The following PLEKHA2 variants were observed in gnomAD, a reference collection of about 807,000 sequenced individuals.
PLEKHA2 encodes pleckstrin homology domain containing A2, also known as pleckstrin homology domain-containing family A member 2.
A neutral mutation model predicts 53.2 loss-of-function variants in PLEKHA2; 28 were observed. The ratio of observed to expected loss-of-function variants is 0.53; its 90% CI spans 0.39 to 0.72. The LOEUF (loss-of-function observed/expected upper bound fraction) is 0.72. Ranked by LOEUF, PLEKHA2 falls within the 30% of genes least tolerant of loss-of-function variation. The pLI is 0.00. For synonymous variants in PLEKHA2, 193 were observed against 196.4 expected, an observed-to-expected ratio of 0.98 and a Z score of 0.14; for missense variants, 426 against 537.9, an observed-to-expected ratio of 0.79 and a Z score of 2.06.
chr8:38,918,754 TAC>T lies in PLEKHA2; in HGVS notation c.141+692_141+693del, dbSNP rs780741752. Among the ~76,000 whole-genome samples, 272 of 147,316 alleles carry T rather than the reference TAC, an allele frequency of 1.8e-3. 4 individuals carry two copies. The highest frequency in any genetic ancestry group is 3.3e-3 in the Admixed American group (49 of 14,938). On this transcript the variant is annotated intron_variant, in intron 2 of 11. Transcript: ENST00000617275. Reference sequence around the variant, plus strand: ...GACACATGCGCACACGCACACACCATACACACACATGCACACACACATATACA... The same window carrying T: ...GACACATGCGCACACGCACACACCATACACACATGCACACACACATATACA...
chr8:38,954,710 G>A (rs1219837209), intron 9 of PLEKHA2, among the ~76,000 whole-genome samples: 1 of 152,116 alleles, frequency 6.6e-6, no homozygotes, highest in African/African-American at 2.4e-5. Flanking sequence ...GCACCATGTA[G>A]CCTGGTGCCG....
intron 11 of PLEKHA2, 175 bp downstream of exon 11, chr8:38,968,844 C>T: frequency 1.7e-6 from 1 of 590,108 alleles, no homozygotes; most frequent in Non-Finnish European, 3.0e-6. Context: ...TTTTATTTTT[C>T]TCTGTTTGGT....
At chr8:38,931,965 C>T (rs1046818784) in intron 2 of PLEKHA2, among the ~76,000 whole-genome samples, 11 of 152,090 alleles carry the variant, frequency 7.2e-5, no homozygotes, top group Admixed American at 3.3e-4. Flanking sequence ...GAAGCTTGAG[C>T]GCGGGCTTTT....
chr8:38,902,220 T>TGGG (rs58621785), intron 1 of PLEKHA2, among the ~76,000 whole-genome samples: 1 of 98,280 alleles, frequency 1.0e-5, no homozygotes, highest in Non-Finnish European at 2.1e-5. Context: ...AAGAAGGGTG[T>TGGG]GGGGGGGGGT....
chr8:38,911,051 T>C (rs1404605783), intron 1 of PLEKHA2, among the ~76,000 whole-genome samples: 1 of 152,168 alleles, frequency 6.6e-6, no homozygotes, highest in Non-Finnish European at 1.5e-5. Flanking sequence ...GAGGTTTGGC[T>C]AGGGAAGATA....
intron 1 of PLEKHA2, among the ~76,000 whole-genome samples, chr8:38,909,142 CAAA>C (rs199814127): frequency 2.4e-5 from 3 of 124,520 alleles, no homozygotes; most frequent in African/African-American, 3.2e-5. Flanking sequence ...GACTCTGTCT[CAAA>C]AAAAAAAAAA....
At chr8:38,967,049 T>A (rs1424416449) in intron 10 of PLEKHA2, among the ~76,000 whole-genome samples, 1 of 152,172 alleles carries the variant, frequency 6.6e-6, no homozygotes, top group Non-Finnish European at 1.5e-5. Flanking sequence ...ATGTGGTATT[T>A]GACTTTCTGT....
At chr8:38,919,066 C>T (rs776372481) in intron 2 of PLEKHA2, among the ~76,000 whole-genome samples, 25 of 152,304 alleles carry the variant, frequency 1.6e-4, no homozygotes, top group Middle Eastern at 3.4e-3. Context: ...TTCCCTGAGC[C>T]GGACACATGT....
intron 2 of PLEKHA2, among the ~76,000 whole-genome samples, chr8:38,934,205 G>A (rs920273811): frequency 1.3e-5 from 2 of 151,876 alleles, no homozygotes; most frequent in African/African-American, 4.8e-5. Context: ...TCACTATGTT[G>A]GCCAGGGTGG....
intron 3 of PLEKHA2, among the ~76,000 whole-genome samples, chr8:38,939,821 C>T (rs1036088906): frequency 6.6e-6 from 1 of 152,178 alleles, no homozygotes; most frequent in Admixed American, 6.5e-5. Context: ...CATAGTGACT[C>T]ATGCCTGTAA....
In PLEKHA2 at chr8:38,952,150, C is replaced by T; in HGVS notation, c.487-16C>T. ...AGAGGGAGGGAGGCGCTGATACTGA[C>T]ACTGTTTCCTTGCAGAACGGTGGGG... On this transcript the variant is annotated splice_polypyrimidine_tract_variant and intron_variant, in intron 6 of 11. Transcript: ENST00000617275. 1.9e-6 allele frequency: 3 copies of T among 1,610,130 alleles called. No homozygotes were observed. The highest frequency in any genetic ancestry group is 1.7e-6 in the Non-Finnish European group (2 of 1,178,250).
chr8:38,954,253 C>T (rs900269476), intron 9 of PLEKHA2, among the ~76,000 whole-genome samples: 2 of 152,238 alleles, frequency 1.3e-5, no homozygotes, highest in African/African-American at 4.8e-5. Flanking sequence ...GACAGAAGCA[C>T]TCTCCCGAGT....
chr8:38,931,336 A>G (rs1373480870), intron 2 of PLEKHA2, among the ~76,000 whole-genome samples: 2 of 152,136 alleles, frequency 1.3e-5, no homozygotes, highest in Non-Finnish European at 2.9e-5. Context: ...GCCTTCCAGA[A>G]CTTCATTCCC....
At chr8:38,941,718 G>A (rs1478887138) in intron 3 of PLEKHA2, among the ~76,000 whole-genome samples, 1 of 152,324 alleles carries the variant, frequency 6.6e-6, no homozygotes, top group Non-Finnish European at 1.5e-5. Flanking sequence ...AGCAGATTCT[G>A]TGTGGAAGAA....
chr8:38,945,372 T>C (rs1834694744), intron 4 of PLEKHA2, among the ~76,000 whole-genome samples: 1 of 152,202 alleles, frequency 6.6e-6, no homozygotes, highest in South Asian at 2.1e-4. Context: ...ATTCTGCATC[T>C]ACCCCATGAG....
intron 10 of PLEKHA2, among the ~76,000 whole-genome samples, chr8:38,958,419 C>T (rs1025845661): frequency 6.6e-6 from 1 of 152,102 alleles, no homozygotes; most frequent in Non-Finnish European, 1.5e-5. Flanking sequence ...TTCAAGCTCC[C>T]GCTGCCCTTT....
intron 10 of PLEKHA2, among the ~76,000 whole-genome samples, chr8:38,958,828 C>T (rs1834989238): frequency 6.6e-6 from 1 of 152,138 alleles, no homozygotes; most frequent in African/African-American, 2.4e-5. Flanking sequence ...CCAGGTTAAA[C>T]AGAACAGATC....
intron 10 of PLEKHA2, among the ~76,000 whole-genome samples, chr8:38,961,465 G>C (rs1374995650): frequency 1.3e-5 from 2 of 149,994 alleles, no homozygotes; most frequent in African/African-American, 4.9e-5. Flanking sequence ...TGAACCCAGG[G>C]GGCGGAGGTT....
chr8:38,938,894 C>G (rs1283492624), intron 3 of PLEKHA2, among the ~76,000 whole-genome samples: 2 of 140,852 alleles, frequency 1.4e-5, no homozygotes, highest in Non-Finnish European at 1.5e-5. Context: ...CTTGGCCTTT[C>G]TTTTTCTTTT....
Sources: allele counts gnomAD v4.1 joint callset (sites outside exome capture counted in the v4.1 genomes callset), GRCh38; gene constraint gnomAD v4.1.1; transcripts MANE v1.5; gene names NCBI Gene and HGNC (gene_info 2026-07-23, HGNC 2026-07-21).